Variants in MCTP2 observed in about 807,000 individuals in gnomAD.
The protein encoded by MCTP2 is multiple C2 and transmembrane domain-containing protein 2.
A neutral mutation model predicts 111.6 loss-of-function variants in MCTP2; 132 were observed. The ratio of observed to expected loss-of-function variants is 1.18; its 90% confidence interval spans 1.03 to 1.37. MCTP2 has a LOEUF of 1.37. Ranked by LOEUF, MCTP2 falls within the 40% of genes most tolerant of loss-of-function variation. The pLI, the probability that MCTP2 is intolerant of heterozygous loss-of-function variation, is 0.00. For missense variants in MCTP2, 1,183 were observed against 1,067.9 expected (o/e 1.11, Z -1.50); for synonymous variants, 395 against 387.7 (o/e 1.02, Z -0.22).
At chr15:94,447,534 A>G (rs1267180091) in intron 19 of MCTP2, among the ~76,000 whole-genome samples, 1 of 152,178 alleles carries the variant, frequency 6.6e-6, no homozygotes, top group Admixed American at 6.5e-5. Context: ...AGTTGAGACT[A>G]CAGCCATGTG....
chr15:94,329,229 A>T lies in MCTP2; in HGVS notation c.638-10061A>T, dbSNP rs144341205. Reference sequence around the variant, plus strand: ...CTGTAGTTCTGAAGCCTTTAGAGTGAAAACAATCTGGGTTCAAGGCTCAGC... The same window carrying T: ...CTGTAGTTCTGAAGCCTTTAGAGTGTAAACAATCTGGGTTCAAGGCTCAGC... On this transcript the variant is annotated intron_variant, in intron 4 of 22. Coordinates refer to ENST00000357742, the MANE Select transcript of MCTP2 (RefSeq NM_001385001.1). 9.1e-4 allele frequency among the ~76,000 whole-genome samples: 139 copies of T among 152,286 alleles called. 1 individual carries two copies. Among genetic ancestry groups the T allele is most frequent in the African/African-American group, 3.2e-3 (132 of 41,540 alleles).
At chr15:94,277,830 G>C (rs1042159205) in intron 1 of MCTP2, among the ~76,000 whole-genome samples, 5 of 152,122 alleles carry the variant, frequency 3.3e-5, no homozygotes, top group African/African-American at 1.2e-4. Flanking sequence ...TATAGATTTA[G>C]TTGTTAATCA....
chr15:94,275,461 T>A (rs1435765034), intron 1 of MCTP2, among the ~76,000 whole-genome samples: 1 of 152,146 alleles, frequency 6.6e-6, no homozygotes, highest in Non-Finnish European at 1.5e-5. Flanking sequence ...TAAAGAAAAA[T>A]TAAAAATGTC....
At chr15:94,266,721 A>T (rs2073557824) in intron 1 of MCTP2, among the ~76,000 whole-genome samples, 1 of 152,090 alleles carries the variant, frequency 6.6e-6, no homozygotes, top group South Asian at 2.1e-4. Flanking sequence ...GAAAGGCCAG[A>T]CTCACTTTTC....
chr15:94,241,628 G>A (rs2070965763), intron 1 of MCTP2, among the ~76,000 whole-genome samples: 1 of 152,088 alleles, frequency 6.6e-6, no homozygotes, highest in Non-Finnish European at 1.5e-5. Context: ...ACAATATTAT[G>A]TGCTGATGTA....
intron 17 of MCTP2, among the ~76,000 whole-genome samples, chr15:94,436,214 G>C (rs976639435): frequency 1.3e-5 from 2 of 152,116 alleles, no homozygotes; most frequent in African/African-American, 4.8e-5. Flanking sequence ...TTTTTCATTG[G>C]AGTTTTACTC....
chr15:94,423,684 T>C (rs768540667), intron 17 of MCTP2, among the ~76,000 whole-genome samples: 14 of 152,152 alleles, frequency 9.2e-5, no homozygotes, highest in Non-Finnish European at 1.9e-4. Context: ...TGCATGTGCG[T>C]GTAAGAGTTC....
At chr15:94,244,518 A>G (rs56651283) in intron 1 of MCTP2, among the ~76,000 whole-genome samples, 3,282 of 45,824 alleles carry the variant, frequency 0.072, 403 homozygotes, top group East Asian at 0.11. Context: ...ATGCACCTAT[A>G]TTTATATTCG....
At chr15:94,333,297 C>T (rs2077211101) in intron 4 of MCTP2, among the ~76,000 whole-genome samples, 2 of 152,294 alleles carry the variant, frequency 1.3e-5, no homozygotes, top group East Asian at 3.9e-4. Context: ...GTAAATAATA[C>T]TGTATAAAGA....
intron 1 of MCTP2, among the ~76,000 whole-genome samples, chr15:94,257,270 C>T (rs1360181358): frequency 6.6e-6 from 1 of 152,068 alleles, no homozygotes; most frequent in Non-Finnish European, 1.5e-5. Flanking sequence ...ACATATATAT[C>T]CTCATGGGAA....
intron 19 of MCTP2, among the ~76,000 whole-genome samples, chr15:94,456,884 TTG>T (rs2084870061): frequency 1.3e-5 from 2 of 152,208 alleles, no homozygotes; most frequent in South Asian, 4.1e-4. Context: ...GAAGGGTGGT[TTG>T]TGTTTTTCAA....
intron 19 of MCTP2, among the ~76,000 whole-genome samples, chr15:94,456,144 AGAT>A (rs1304814116): frequency 1.3e-5 from 2 of 152,268 alleles, no homozygotes; most frequent in Non-Finnish European, 2.9e-5. Flanking sequence ...TAACAAGTCC[AGAT>A]GATAAGTTAT....
chr15:94,402,712 G>T (rs2081662034), intron 17 of MCTP2: 2 of 1,446,354 alleles, frequency 1.4e-6, no homozygotes, highest in Non-Finnish European at 1.8e-6. Flanking sequence ...AAAGGGACTT[G>T]TCCTTGATCA....
At chr15:94,457,964 C>T (rs1425955883) in intron 19 of MCTP2, among the ~76,000 whole-genome samples, 173 bp from the exon 20 acceptor site, 1 of 151,498 alleles carries the variant, frequency 6.6e-6, no homozygotes, top group Non-Finnish European at 1.5e-5. Flanking sequence ...ATCTAAGTGA[C>T]TGAACAGATT....
chr15:94,441,415 A>G (rs570813342), intron 18 of MCTP2, among the ~76,000 whole-genome samples: 20 of 152,358 alleles, frequency 1.3e-4, no homozygotes, highest in African/African-American at 4.6e-4. Context: ...ATTTTTACAA[A>G]GAAACATCTC....
chr15:94,340,804 T>G lies in MCTP2; in HGVS notation c.858-9T>G, dbSNP rs1285058857. ...AGTGGTAGCATTATTTGTTGCTTTT[T>G]GCTTGTAGAACAACTGAACATATTT... On this transcript the variant is annotated splice_polypyrimidine_tract_variant and intron_variant, in intron 6 of 22. Transcript: ENST00000357742. The G allele has an allele frequency of 2.5e-6, 4 of 1,573,974 alleles. No homozygotes were observed. Among genetic ancestry groups the G allele is most frequent in the Non-Finnish European group, 3.5e-6 (4 of 1,144,894 alleles).
intron 1 of MCTP2, among the ~76,000 whole-genome samples, chr15:94,249,644 C>T (rs2152264727): frequency 6.6e-6 from 1 of 152,196 alleles, no homozygotes; most frequent in South Asian, 2.1e-4. Flanking sequence ...CGCCACCACG[C>T]CCAGCTAATT....
intron 1 of MCTP2, among the ~76,000 whole-genome samples, chr15:94,236,148 AG>A (rs1481229608): frequency 1.3e-5 from 2 of 152,096 alleles, no homozygotes; most frequent in African/African-American, 4.8e-5. Flanking sequence ...TGATTATGGA[AG>A]GTGGCCTTGT....
At chr15:94,374,004 G>A (rs750454263) in intron 12 of MCTP2, among the ~76,000 whole-genome samples, 1 of 152,124 alleles carries the variant, frequency 6.6e-6, no homozygotes, top group Non-Finnish European at 1.5e-5. Context: ...TAAAATGCAG[G>A]TATTTTAAGA....
Sources: gnomAD v4.1 joint callset for allele counts (sites outside exome capture counted in the v4.1 genomes callset) on GRCh38, gnomAD v4.1.1 for gene constraint, MANE v1.5 for transcripts, NCBI Gene and HGNC (gene_info 2026-07-23, HGNC 2026-07-21) for gene names.